The following PTPRG variants were observed in gnomAD, a reference collection of about 807,000 sequenced individuals.
PTPRG encodes the protein protein tyrosine phosphatase receptor type G.
Under a neutral mutation model 165.3 loss-of-function variants are expected in PTPRG, and 102 were observed. The observed-to-expected ratio is 0.62, with a 90% CI of 0.53 to 0.73. The LOEUF (loss-of-function observed/expected upper bound fraction) is 0.73, where lower values mean the gene tolerates loss of function less well. Ranked by LOEUF, PTPRG falls within the 30% of genes least tolerant of loss-of-function variation. The pLI is 0.00. For missense variants in PTPRG, 1,866 were observed against 1,861.4 expected (o/e 1.00, Z -0.05); for synonymous variants, 675 against 669.5 (o/e 1.01, Z -0.13).
At chr3:61,672,802 GGA>G (rs565424619) in intron 1 of PTPRG, among the ~76,000 whole-genome samples, 10 of 138,836 alleles carry the variant, frequency 7.2e-5, no homozygotes, top group African/African-American at 2.5e-4. Flanking sequence ...GGAGAGAGGG[GGA>G]GAGAGAGGGA....
At chr3:61,803,507 C>G (rs889785722) in intron 2 of PTPRG, among the ~76,000 whole-genome samples, 5 of 125,526 alleles carry the variant, frequency 4.0e-5, no homozygotes, top group Non-Finnish European at 8.1e-5. Flanking sequence ...CCAACATGGA[C>G]AACATGTAAT....
At chr3:62,164,937 G>A (rs1704910691) in intron 7 of PTPRG, among the ~76,000 whole-genome samples, 1 of 152,232 alleles carries the variant, frequency 6.6e-6, no homozygotes, top group Non-Finnish European at 1.5e-5. Context: ...TTTTGGGACA[G>A]ATGGCTGTCT....
intron 1 of PTPRG, among the ~76,000 whole-genome samples, chr3:61,601,129 G>A (rs532083923): frequency 1.3e-5 from 2 of 152,220 alleles, no homozygotes; most frequent in African/African-American, 2.4e-5. Flanking sequence ...GATGGCACAC[G>A]CCTGTAGTCC....
chr3:61,737,636 C>G (rs1198639070), intron 1 of PTPRG, among the ~76,000 whole-genome samples: 4 of 152,042 alleles, frequency 2.6e-5, no homozygotes, highest in Middle Eastern at 3.4e-3. Flanking sequence ...TGGTTTTACT[C>G]GGGGGAGAGT....
At chr3:61,879,118 C>A (rs575259781) in intron 2 of PTPRG, among the ~76,000 whole-genome samples, 1 of 152,176 alleles carries the variant, frequency 6.6e-6, no homozygotes, top group Admixed American at 6.5e-5. Flanking sequence ...AAGTAATGAA[C>A]CAAAGGTGTA....
intron 2 of PTPRG, among the ~76,000 whole-genome samples, chr3:61,850,110 T>C (rs1381730996): frequency 6.6e-6 from 1 of 152,176 alleles, no homozygotes; most frequent in Non-Finnish European, 1.5e-5. Context: ...AACGTGTATG[T>C]ATGTTTATAT....
chr3:61,723,169 C>T (rs1018830050), intron 1 of PTPRG, among the ~76,000 whole-genome samples: 3 of 152,046 alleles, frequency 2.0e-5, no homozygotes, highest in Non-Finnish European at 2.9e-5. Flanking sequence ...TGTTCAAAGG[C>T]CTGGTAATGT....
chr3:61,722,993 G>A (rs764298802), intron 1 of PTPRG, among the ~76,000 whole-genome samples: 8 of 152,034 alleles, frequency 5.3e-5, no homozygotes, highest in Non-Finnish European at 1.0e-4. Context: ...AGCAGAGGTC[G>A]ATGATAAATT....
At chr3:61,594,980 G>T (rs542493784) in intron 1 of PTPRG, among the ~76,000 whole-genome samples, 73 of 152,074 alleles carry the variant, frequency 4.8e-4, no homozygotes, top group African/African-American at 1.7e-3. Context: ...TTCCTTGTCT[G>T]TTGCGGGAAA....
intron 2 of PTPRG, among the ~76,000 whole-genome samples, chr3:61,875,375 C>G (rs1049537778): frequency 7.3e-6 from 1 of 136,630 alleles, no homozygotes; most frequent in Admixed American, 6.9e-5. Flanking sequence ...CAAGGCAAAA[C>G]GTTTTGAGAG....
chr3:61,622,697 C>G (rs1450869645), intron 1 of PTPRG, among the ~76,000 whole-genome samples: 1 of 152,080 alleles, frequency 6.6e-6, no homozygotes, highest in African/African-American at 2.4e-5. Flanking sequence ...CTTTTGGAAT[C>G]TGTTTTCTGG....
intron 1 of PTPRG, among the ~76,000 whole-genome samples, chr3:61,615,264 G>A (rs980577176): frequency 6.6e-6 from 1 of 152,196 alleles, no homozygotes; most frequent in Non-Finnish European, 1.5e-5. Context: ...AGAATCACGT[G>A]TCTGTTGTTA....
chr3:61,887,967 AG>A (rs1458749938), intron 2 of PTPRG, among the ~76,000 whole-genome samples: 1 of 150,966 alleles, frequency 6.6e-6, no homozygotes, highest in African/African-American at 2.5e-5. Context: ...AATGGATTAA[AG>A]TAAGTCCAAG....
chr3:62,200,736 T>C (rs762167492), intron 10 of PTPRG, among the ~76,000 whole-genome samples: 12 of 152,316 alleles, frequency 7.9e-5, no homozygotes, highest in Non-Finnish European at 1.6e-4. Context: ...CATTAGACCA[T>C]TTAAAACAAT....
At chr3:61,663,821 T>G (rs564595737) in intron 1 of PTPRG, among the ~76,000 whole-genome samples, 2 of 152,106 alleles carry the variant, frequency 1.3e-5, no homozygotes, top group Non-Finnish European at 2.9e-5. Flanking sequence ...ATAGAATTTT[T>G]GCTCCTATGA....
intron 1 of PTPRG, among the ~76,000 whole-genome samples, chr3:61,631,445 C>A (rs926925027): frequency 6.6e-6 from 1 of 152,190 alleles, no homozygotes; most frequent in Non-Finnish European, 1.5e-5. Context: ...CCTGTTCTAT[C>A]TTAGTGGTTA....
At position 62,190,471 on chromosome 3, in the gene PTPRG, C is replaced by G. The variant is rs536938036; in HGVS notation, c.1034-998C>G. Among the ~76,000 whole-genome samples the G allele has an allele frequency of 1.3e-4, 20 of 152,232 alleles. No individual in the cohort carries two copies. The highest frequency in any genetic ancestry group is 5.9e-4 in the Admixed American group (9 of 15,288). On this transcript the variant is annotated intron_variant, in intron 8 of 29. Transcript: ENST00000474889. The surrounding 1 kb of genome is among the most constrained non-coding windows in gnomAD (Gnocchi z 5.2). ...TGAGCATTTGTATAACTCATTCAGA[C>G]CTGTCAAGGTCTCAACACTTTCATA...
intron 2 of PTPRG, among the ~76,000 whole-genome samples, chr3:61,758,454 T>C (rs1455838950): frequency 2.0e-5 from 3 of 152,194 alleles, no homozygotes; most frequent in Non-Finnish European, 4.4e-5. Context: ...TATCTTAGTT[T>C]ATTATTATTA....
At chr3:62,051,498 T>C (rs1407106882) in intron 4 of PTPRG, among the ~76,000 whole-genome samples, 1 of 152,196 alleles carries the variant, frequency 6.6e-6, no homozygotes, top group Non-Finnish European at 1.5e-5. Context: ...AGTTGGAGTT[T>C]CTCAAAGCTT....
Sources: gnomAD v4.1 joint callset for allele counts (sites outside exome capture counted in the v4.1 genomes callset) on GRCh38, gnomAD v4.1.1 for gene constraint, Gnocchi (gnomAD v3.1) non-coding constraint, MANE v1.5 for transcripts, NCBI Gene and HGNC (gene_info 2026-07-23, HGNC 2026-07-21) for gene names.